The following IQCH variants were observed in gnomAD, a reference collection of about 807,000 sequenced individuals.
IQCH encodes IQ motif containing H.
In IQCH, 98 loss-of-function variants were observed where a neutral mutation model predicts 117.0. The observed-to-expected ratio is 0.84, with a 90% CI of 0.71 to 0.99. IQCH has a LOEUF of 0.99. Among genes scored for constraint, IQCH ranks in the 50% least tolerant of loss-of-function variants. The pLI, the probability that IQCH is intolerant of heterozygous loss-of-function variation, is 0.00. For missense variants in IQCH, 1,102 were observed against 1,243.8 expected, an observed-to-expected ratio of 0.89 and a Z score of 1.72; for synonymous variants, 412 against 448.2, an observed-to-expected ratio of 0.92 and a Z score of 1.02.
rs1003663735 is a variant in IQCH at position 67,390,934 on chromosome 15, A to G, written c.1632+1928A>G. Among the ~76,000 whole-genome samples, 1 of 152,200 alleles carries G rather than the reference A, an allele frequency of 6.6e-6. No homozygotes were observed. The highest frequency in any genetic ancestry group is 6.5e-5 in the Admixed American group (1 of 15,280). On this transcript the variant is annotated intron_variant, in intron 12 of 20. Coordinates refer to ENST00000335894, the MANE Select transcript of IQCH (RefSeq NM_001031715.3). This position sits in a 1 kb window ranked among gnomAD's most constrained non-coding sequence, Gnocchi z 5.0. ...CCAGAGTGTGAACCAAAATCTCTCT[A>G]CCGCAGAGCAGTATCATGAGTTGGA... is the stretch of plus-strand genomic sequence containing the variant.
At position 67,388,225 on chromosome 15, in the gene IQCH, A is replaced by C. The variant is rs2140838021; in HGVS notation, c.1457-606A>C. 6.6e-6 allele frequency among the ~76,000 whole-genome samples: 1 copy of C among 152,334 alleles called. No homozygotes were observed. Among genetic ancestry groups the C allele is most frequent in the East Asian group, 1.9e-4 (1 of 5,184 alleles). On this transcript the variant is annotated intron_variant, in intron 11 of 20. Coordinates refer to ENST00000335894, the MANE Select transcript of IQCH (RefSeq NM_001031715.3). The surrounding 1 kb of genome is among the most constrained non-coding windows in gnomAD (Gnocchi z 5.5). ...CACATCTTAAGAAGGAGAAAAGTTA[A>C]ATTAAGATGGTGTTTCCTTTAAACC...
chr15:67,368,298 G>C (rs976851219), intron 8 of IQCH, among the ~76,000 whole-genome samples: 2 of 152,130 alleles, frequency 1.3e-5, no homozygotes, highest in African/African-American at 4.8e-5. Context: ...GCTGAATTCC[G>C]GACCGCTGAT....
rs781389287 is a variant in IQCH, at chr15:67,500,613, A to G, written c.2971-20A>G. The G allele has an allele frequency of 7.0e-6, 9 of 1,288,356 alleles. No homozygotes were observed. Among genetic ancestry groups the G allele is most frequent in the African/African-American group, 1.5e-5 (1 of 67,358 alleles). The allele number at this position is 1,288,356 out of a possible 1,614,324, so 79.8% of individuals were successfully genotyped here. On this transcript the variant is annotated intron_variant, in intron 20 of 20. Coordinates refer to ENST00000335894, the MANE Select transcript of IQCH (RefSeq NM_001031715.3). The surrounding 1 kb of genome is among the most constrained non-coding windows in gnomAD (Gnocchi z 4.4). ...GATTGTAAGAGGTCTTTAAGTAATA[A>G]ATATTGTCTTTATTTACAGACCACC...
At chr15:67,336,837 G>A (rs956129) in intron 4 of IQCH, 138 bp from the exon 5 acceptor site, 270,426 of 717,460 alleles carry the variant, frequency 0.38, 56,922 homozygotes, top group Non-Finnish European at 0.45. Flanking sequence ...GTATTCATGA[G>A]CAATAAAATT....
chr15:67,327,787 CTT>C (rs1019417600), intron 4 of IQCH, among the ~76,000 whole-genome samples: 1 of 152,176 alleles, frequency 6.6e-6, no homozygotes, highest in African/African-American at 2.4e-5. Context: ...TTTAAAACCT[CTT>C]TCAGATACAT....
chr15:67,371,998 C>A, intron 8 of IQCH, 113 bp from the exon 9 acceptor site: 1 of 914,350 alleles, frequency 1.1e-6, no homozygotes, highest in Non-Finnish European at 1.6e-6. Flanking sequence ...TGCTAGGATT[C>A]ATATCTTCCC....
intron 16 of IQCH, among the ~76,000 whole-genome samples, chr15:67,435,424 A>C (rs2140951931): frequency 6.6e-6 from 1 of 152,140 alleles, no homozygotes; most frequent in South Asian, 2.1e-4. Flanking sequence ...GTCTCTATTA[A>C]AAATAGAAAA....
intron 18 of IQCH, among the ~76,000 whole-genome samples, chr15:67,477,347 C>T (rs1408623141): frequency 6.6e-6 from 1 of 151,802 alleles, no homozygotes; most frequent in African/African-American, 2.4e-5. Flanking sequence ...GCGCCCAGCC[C>T]CAAATTTTAT....
intron 6 of IQCH, among the ~76,000 whole-genome samples, chr15:67,345,147 G>A (rs1416485721): frequency 1.3e-5 from 2 of 151,996 alleles, no homozygotes; most frequent in African/African-American, 4.8e-5. Flanking sequence ...CCATCACCAC[G>A]CCTGATTAAT....
At chr15:67,274,409 A>G (rs983778121) in intron 3 of IQCH, among the ~76,000 whole-genome samples, 1 of 152,154 alleles carries the variant, frequency 6.6e-6, no homozygotes, top group Non-Finnish European at 1.5e-5. Context: ...CCTGAAGCTC[A>G]CTGATTCTTT....
At chr15:67,446,302 A>T (rs2082389612) in intron 16 of IQCH, among the ~76,000 whole-genome samples, 1 of 152,242 alleles carries the variant, frequency 6.6e-6, no homozygotes, top group Non-Finnish European at 1.5e-5. Flanking sequence ...GATAACAGGT[A>T]GAGCTAAAAC....
chr15:67,416,876 A>G lies in IQCH; in HGVS notation c.2098-55A>G. On this transcript the variant is annotated intron_variant, in intron 14 of 20. Coordinates refer to ENST00000335894, the MANE Select transcript of IQCH (RefSeq NM_001031715.3). The surrounding 1 kb of genome is among the most constrained non-coding windows in gnomAD (Gnocchi z 5.1). ...CCTGGTTTTTAATCACTCCACAAGC[A>G]GTTTTCATTTCTGTAGTAAAATTGC... The G allele has an allele frequency of 6.8e-7, 1 of 1,478,224 alleles. No homozygotes were observed. The highest frequency in any genetic ancestry group is 9.0e-7 in the Non-Finnish European group (1 of 1,107,976). The allele number at this position is 1,478,224 out of a possible 1,614,324, so 91.6% of individuals were successfully genotyped here.
chr15:67,403,388 G>A lies in IQCH; in HGVS notation c.2097+3083G>A, dbSNP rs533422356. 6.6e-6 allele frequency among the ~76,000 whole-genome samples: 1 copy of A among 152,192 alleles called. No homozygotes were observed. The highest frequency in any genetic ancestry group is 1.9e-4 in the East Asian group (1 of 5,174). On this transcript the variant is annotated intron_variant, in intron 14 of 20. Coordinates refer to ENST00000335894, the MANE Select transcript of IQCH (RefSeq NM_001031715.3). This position sits in a 1 kb window ranked among gnomAD's most constrained non-coding sequence, Gnocchi z 4.8. Reference sequence around the variant, plus strand: ...TGTAGTCACGGTTAAAAAAAAATCAGTAGAGACATGTAGGTGATTTTTAGG... The same window carrying A: ...TGTAGTCACGGTTAAAAAAAAATCAATAGAGACATGTAGGTGATTTTTAGG...
chr15:67,465,269 C>G lies in IQCH; in HGVS notation c.2648C>G (p.Thr883Ser). ...TTTGTTCCAAAGGAAAGGAAGAAAA[C>G]CAAATGCATGAGTGCGCTGTCAATG... is the stretch of plus-strand genomic sequence containing the variant. ...PRFVPKERKK[T>S]KCMSALSMPM... The change falls in exon 17 of 21, where the codon ACC becomes AGC. Residue 883 changes from threonine to serine, a missense_variant. Physicochemically the swap from Thr to Ser is moderately conservative, Grantham distance 58. Coordinates refer to ENST00000335894, the MANE Select transcript of IQCH (RefSeq NM_001031715.3). This position sits in a 1 kb window ranked among gnomAD's most constrained non-coding sequence, Gnocchi z 5.9. 1 of 1,613,860 alleles carries G rather than the reference C, an allele frequency of 6.2e-7. No homozygotes were observed.
In IQCH at chr15:67,342,099, A is replaced by G. The variant is rs4776922; in HGVS notation, c.509-1964A>G. Reference sequence around the variant, plus strand: ...TAGCCTGGACAATATAGCAAGACCTAGTCTCTACATTAAAAAAAAAAAAGC... The same window carrying G: ...TAGCCTGGACAATATAGCAAGACCTGGTCTCTACATTAAAAAAAAAAAAGC... On this transcript the variant is annotated intron_variant, in intron 5 of 20. Coordinates refer to ENST00000335894, the MANE Select transcript of IQCH (RefSeq NM_001031715.3). The surrounding 1 kb of genome is among the most constrained non-coding windows in gnomAD (Gnocchi z 4.7). 0.21 allele frequency among the ~76,000 whole-genome samples: 31,723 copies of G among 151,446 alleles called. 4,047 individuals are homozygous for G. The highest frequency in any genetic ancestry group is 0.47 in the East Asian group (2,433 of 5,144).
intron 3 of IQCH, among the ~76,000 whole-genome samples, chr15:67,263,977 A>G (rs927950680): frequency 2.6e-5 from 4 of 152,234 alleles, no homozygotes; most frequent in South Asian, 2.1e-4. Context: ...TGTGTTTTAT[A>G]TATGCACCCA....
chr15:67,294,891 C>G (rs1294760012), intron 4 of IQCH, among the ~76,000 whole-genome samples: 1 of 152,194 alleles, frequency 6.6e-6, no homozygotes, highest in African/African-American at 2.4e-5. Flanking sequence ...AGACAAAACA[C>G]AAGTCTGGTT....
intron 6 of IQCH, 109 bp downstream of exon 6, chr15:67,344,300 A>G (rs1024006795): frequency 1.1e-6 from 1 of 892,456 alleles, no homozygotes; most frequent in South Asian, 1.9e-5. Context: ...GGACAAGATG[A>G]AAGTTGTAAT....
chr15:67,403,001 A>G lies in IQCH; in HGVS notation c.2097+2696A>G, dbSNP rs1971727437. Among the ~76,000 whole-genome samples, 1 of 152,122 alleles carries G rather than the reference A, an allele frequency of 6.6e-6. No homozygotes were observed. Among genetic ancestry groups the G allele is most frequent in the Non-Finnish European group, 1.5e-5 (1 of 68,018 alleles). ...GGTGGCTCATGCCTGTAATCCTAGC[A>G]CTCTGGGAGGCCAAGGCGGGTGAAT... On this transcript the variant is annotated intron_variant, in intron 14 of 20. Transcript: ENST00000335894. The surrounding 1 kb of genome is among the most constrained non-coding windows in gnomAD (Gnocchi z 4.8).
Sources: gnomAD v4.1 joint callset for allele counts (sites outside exome capture counted in the v4.1 genomes callset) on GRCh38, gnomAD v4.1.1 for gene constraint, Gnocchi (gnomAD v3.1) non-coding constraint, MANE v1.5 for transcripts, NCBI Gene and HGNC (gene_info 2026-07-23, HGNC 2026-07-21) for gene names.